The following MAP3K7 variants were observed in gnomAD, a reference collection of about 807,000 sequenced individuals.
MAP3K7 encodes TGF-beta activated kinase 1.
Under a neutral mutation model 84.8 loss-of-function variants are expected in MAP3K7, and 21 were observed. That is an observed-to-expected ratio of 0.25 (90% CI 0.18 to 0.36). MAP3K7 has a LOEUF of 0.36. Ranked by LOEUF, MAP3K7 falls within the 10% of genes least tolerant of loss-of-function variation. The pLI, the probability that MAP3K7 is intolerant of heterozygous loss-of-function variation, is 1.00. For missense variants in MAP3K7, 503 were observed against 747.7 expected (o/e 0.67, Z 3.82); for synonymous variants, 241 against 247.7 (o/e 0.97, Z 0.25).
intron 1 of MAP3K7, among the ~76,000 whole-genome samples, chr6:90,576,655 TAA>T (rs759376112): frequency 6.6e-6 from 1 of 151,882 alleles, no homozygotes; most frequent in Non-Finnish European, 1.5e-5. Context: ...AAAAGACAAA[TAA>T]AAAGGAAGGG....
At chr6:90,576,565 G>A (rs1014987890) in intron 1 of MAP3K7, among the ~76,000 whole-genome samples, 4 of 152,128 alleles carry the variant, frequency 2.6e-5, no homozygotes, top group African/African-American at 9.7e-5. Flanking sequence ...TAAGGGCTAT[G>A]CGCTATTTTA....
intron 11 of MAP3K7, among the ~76,000 whole-genome samples, chr6:90,545,020 G>GT (rs1194200954): frequency 2.0e-5 from 3 of 152,054 alleles, no homozygotes; most frequent in Non-Finnish European, 4.4e-5. Flanking sequence ...GTAAGTTGTC[G>GT]TATTTGTTTT....
intron 15 of MAP3K7, among the ~76,000 whole-genome samples, 199 bp from the exon 16 acceptor site, chr6:90,518,761 G>A (rs1337112520): frequency 1.3e-5 from 2 of 151,792 alleles, no homozygotes; most frequent in African/African-American, 4.8e-5. Flanking sequence ...TATTCTTGCT[G>A]TTTTAACAGT....
Position 90,521,264 on chromosome 6 carries a change from G to A in MAP3K7, c.1463-1945C>T, listed in dbSNP as rs1229145710. 4.6e-3 allele frequency among the ~76,000 whole-genome samples: 81 copies of A among 17,510 alleles called. 1 individual carries two copies. In the South Asian group the frequency reaches 0.1, roughly 22 times the overall value. The allele number at this position is 17,510 out of a possible 152,430, so 11.5% of individuals were successfully genotyped here. On this transcript the variant is annotated intron_variant, in intron 14 of 16. Transcript: ENST00000369329. ...TTTAATGAAAGTTTTTTGCGTGTGTGTGTGTGTGTGTGTGTGTGTGTGTTT... is the reference window on the plus strand; with the variant it reads ...TTTAATGAAAGTTTTTTGCGTGTGTATGTGTGTGTGTGTGTGTGTGTGTTT...
At chr6:90,571,915 T>A (rs1337074852) in intron 1 of MAP3K7, 108 bp from the exon 2 acceptor site, 7 of 397,076 alleles carry the variant, frequency 1.8e-5, no homozygotes, top group Middle Eastern at 5.1e-4. Flanking sequence ...GACTTTAAAT[T>A]AAAAAAAAAA....
Position 90,547,264 on chromosome 6 carries a change from T to C in MAP3K7, c.1204A>G (p.Thr402Ala). 1.2e-6 allele frequency: 2 copies of C among 1,613,536 alleles called. No homozygotes were observed. The highest frequency in any genetic ancestry group is 1.7e-6 in the Non-Finnish European group (2 of 1,179,678). ...ACTTGTAGTTCCTTTTTACCTGTGG[T>C]TGCGGCGATCCTAGCTTCTATTTCA... ...MSEIEARIAA[T>A]TAYSKPKRGH... The change falls in exon 11 of 17, where the codon ACC becomes GCC. Residue 402 changes from threonine to alanine, a missense_variant. Thr to Ala is a moderately conservative substitution (Grantham distance 58, BLOSUM62 0). Coordinates refer to ENST00000369329, the MANE Select transcript of MAP3K7 (RefSeq NM_145331.3).
intron 13 of MAP3K7, among the ~76,000 whole-genome samples, chr6:90,530,679 AAT>A (rs1775479439): frequency 6.6e-6 from 1 of 152,220 alleles, no homozygotes; most frequent in Non-Finnish European, 1.5e-5. Context: ...AAAATATGCT[AAT>A]ATGTTTGTAT....
chr6:90,533,798 A>G (rs1397486307), intron 13 of MAP3K7, among the ~76,000 whole-genome samples: 4 of 152,230 alleles, frequency 2.6e-5, no homozygotes, highest in Non-Finnish European at 4.4e-5. Flanking sequence ...AAGGCTAGCT[A>G]CTAACAACAG....
At chr6:90,571,623 T>C (rs1776904129) in intron 2 of MAP3K7, 74 bp downstream of exon 2, 12 of 859,486 alleles carry the variant, frequency 1.4e-5, no homozygotes, top group African/African-American at 3.6e-5. Flanking sequence ...GAGAAACCAA[T>C]CTTTTTCATA....
chr6:90,574,746 C>T (rs1045921174), intron 1 of MAP3K7, among the ~76,000 whole-genome samples: 6 of 152,252 alleles, frequency 3.9e-5, no homozygotes, highest in Middle Eastern at 3.4e-3. Flanking sequence ...ACAAGTGCCA[C>T]CTAGTGATGA....
intron 3 of MAP3K7, among the ~76,000 whole-genome samples, chr6:90,567,164 A>G (rs545543220): frequency 6.6e-6 from 1 of 151,692 alleles, no homozygotes; most frequent in East Asian, 1.9e-4. Context: ...CAAGGACTTC[A>G]GGACTAAAAC....
chr6:90,586,842 CGAAGACGAG>C lies in MAP3K7; in HGVS notation c.33_41del (p.Ser12_Ser14del). 1 of 1,610,634 alleles carries C rather than the reference CGAAGACGAG, an allele frequency of 6.2e-7. No individual in the cohort carries two copies. Among genetic ancestry groups the C allele is most frequent in the Non-Finnish European group, 8.5e-7 (1 of 1,178,416 alleles). On this transcript the variant is annotated inframe_deletion, in exon 1 of 17. Coordinates refer to ENST00000369329, the MANE Select transcript of MAP3K7 (RefSeq NM_145331.3). ...AAGGGGCTTCGATCATCTCACCGGC[CGAAGACGAG>C]GAGGAGGAGGAGGCGGCAGAGGCTG...
chr6:90,531,691 G>A (rs761353733), intron 13 of MAP3K7, among the ~76,000 whole-genome samples: 10 of 152,112 alleles, frequency 6.6e-5, no homozygotes, highest in Non-Finnish European at 1.3e-4. Context: ...AGTGGCTCAC[G>A]ACTGTAATCC....
Position 90,516,577 on chromosome 6 carries a change from G to A in MAP3K7, c.1745C>T (p.Ser582Phe), listed in dbSNP as rs1774970030. 5.6e-6 allele frequency: 9 copies of A among 1,612,690 alleles called. No individual in the cohort carries two copies. In the East Asian group the frequency reaches 2.0e-4, roughly 36 times the overall value. ...TTTTTTGCATTGCTGGTAGTAAGTA[G>A]AAAGGCTTTTGTTTTCATCTAAAAG... Reference protein sequence around the residue: ...KKLLDENKSLSTYYQQCKKQL... With the variant: ...KKLLDENKSLFTYYQQCKKQL... The change falls in exon 17 of 17, where the codon TCT becomes TTT. Residue 582 changes from serine to phenylalanine, a missense_variant. Coordinates refer to ENST00000369329, the MANE Select transcript of MAP3K7 (RefSeq NM_145331.3).
At chr6:90,558,829 T>A (rs34227036) in intron 5 of MAP3K7, among the ~76,000 whole-genome samples, 3,123 of 152,282 alleles carry the variant, frequency 0.021, 117 homozygotes, top group African/African-American at 0.072. Flanking sequence ...CAAAACATAC[T>A]GTAACGAGGA....
rs190367573 is a variant in MAP3K7, at chr6:90,559,836, T to G, written c.482+240A>C. Among the ~76,000 whole-genome samples, 35 of 152,314 alleles carry G rather than the reference T, an allele frequency of 2.3e-4. No individual in the cohort carries two copies. In the South Asian group the frequency reaches 4.8e-3, roughly 21 times the overall value. ...TATAGGCTAACAGATTCTAGAAGTA[T>G]GCTAATCTAAGGTAGAGGTTACCAA... is the stretch of plus-strand genomic sequence containing the variant. On this transcript the variant is annotated intron_variant, in intron 5 of 16. Transcript: ENST00000369329.
chr6:90,524,245 A>G (rs1775248746), intron 13 of MAP3K7, among the ~76,000 whole-genome samples: 1 of 152,178 alleles, frequency 6.6e-6, no homozygotes, highest in East Asian at 1.9e-4. Flanking sequence ...TAGGAAAAAA[A>G]AAATCTGACC....
chr6:90,525,344 T>A (rs753129685), intron 13 of MAP3K7, among the ~76,000 whole-genome samples: 9 of 152,126 alleles, frequency 5.9e-5, no homozygotes, highest in Non-Finnish European at 1.2e-4. Flanking sequence ...AATTCAAAAT[T>A]TATTTTTTAA....
chr6:90,563,408 C>A (rs1056725972), intron 3 of MAP3K7, among the ~76,000 whole-genome samples: 1 of 152,140 alleles, frequency 6.6e-6, no homozygotes, highest in African/African-American at 2.4e-5. Flanking sequence ...AACCATGGCA[C>A]AAGAACTACG....
Sources: gnomAD v4.1 joint callset for allele counts (sites outside exome capture counted in the v4.1 genomes callset) on GRCh38, gnomAD v4.1.1 for gene constraint, MANE v1.5 for transcripts, NCBI Gene and HGNC (gene_info 2026-07-23, HGNC 2026-07-21) for gene names.